Variants in ABCB5 observed in about 807,000 individuals in gnomAD.
The protein encoded by ABCB5 is ATP binding cassette subfamily B member 5.
A neutral mutation model predicts 144.2 loss-of-function variants in ABCB5; 155 were observed. That is an observed-to-expected ratio of 1.08 (90% CI 0.94 to 1.23). ABCB5 has a LOEUF of 1.23. Ranked by LOEUF, ABCB5 falls within the 50% of genes most tolerant of loss-of-function variation. ABCB5 has a pLI of 0.00. For missense variants in ABCB5, 1,830 were observed against 1,520.8 expected (o/e 1.20, Z -3.38); for synonymous variants, 610 against 528.6 (o/e 1.15, Z -2.11).
chr7:20,717,850 T>A (rs1781727588), intron 20 of ABCB5, among the ~76,000 whole-genome samples: 1 of 149,984 alleles, frequency 6.7e-6, no homozygotes. Context: ...ATAATTACCT[T>A]ATCTCCAAAT....
intron 14 of ABCB5, among the ~76,000 whole-genome samples, chr7:20,666,288 T>C (rs2128033156): frequency 6.6e-6 from 1 of 152,242 alleles, no homozygotes; most frequent in East Asian, 1.9e-4. Flanking sequence ...GGAACTTGTG[T>C]TCTCGTAGGT....
intron 14 of ABCB5, among the ~76,000 whole-genome samples, chr7:20,678,695 A>G (rs1325665908): frequency 6.6e-6 from 1 of 152,252 alleles, no homozygotes; most frequent in Non-Finnish European, 1.5e-5. Flanking sequence ...AGGAAGAATA[A>G]GCTTGAAGAG....
chr7:20,660,627 G>T (rs1377262396), intron 14 of ABCB5, among the ~76,000 whole-genome samples: 1 of 152,130 alleles, frequency 6.6e-6, no homozygotes, highest in Non-Finnish European at 1.5e-5. Context: ...CTTGGAGGGG[G>T]CCCTGGGTAA....
chr7:20,710,244 A>G (rs1424491572), intron 20 of ABCB5, among the ~76,000 whole-genome samples: 1 of 144,350 alleles, frequency 6.9e-6, no homozygotes, highest in Non-Finnish European at 1.5e-5. Context: ...GGGGGCATCT[A>G]TAATCCCAGC....
intron 27 of ABCB5, among the ~76,000 whole-genome samples, chr7:20,755,163 G>A (rs1429277501): frequency 6.6e-6 from 1 of 152,138 alleles, no homozygotes; most frequent in Non-Finnish European, 1.5e-5. Context: ...TGATCAGGCT[G>A]GTCTCGAACT....
rs747609431 is a variant in ABCB5 at position 20,742,980 on chromosome 7, G to A, written c.3128G>A (p.Gly1043Glu). 75 of 1,613,976 alleles carry A rather than the reference G, an allele frequency of 4.6e-5. 1 individual carries two copies. In the Admixed American group the frequency reaches 1.2e-3, roughly 27 times the overall value. ...LRGLSLSIER[G>E]KTVAFVGSSG... ...GGCTTATCCCTCAGTATTGAGCGAG[G>A]AAAGACAGTAGCATTTGTGGGGAGC... is the stretch of plus-strand genomic sequence containing the variant. Residue 1043 changes from glycine (G) to glutamate (E), a missense_variant, in exon 25 of 28, where the codon GGA becomes GAA. Coordinates refer to ENST00000404938, the MANE Select transcript of ABCB5 (RefSeq NM_001163941.2).
intron 26 of ABCB5, among the ~76,000 whole-genome samples, chr7:20,751,816 G>A (rs1352963099): frequency 6.6e-6 from 1 of 152,200 alleles, no homozygotes; most frequent in South Asian, 2.1e-4. Context: ...AGGGGCCCAA[G>A]GCCTGCTAGT....
intron 5 of ABCB5, among the ~76,000 whole-genome samples, chr7:20,638,077 G>C (rs1363977920): frequency 6.6e-6 from 1 of 152,148 alleles, no homozygotes; most frequent in Non-Finnish European, 1.5e-5. Flanking sequence ...GAAAACTCGA[G>C]TGTGTTGTTT....
At chr7:20,707,834 C>G (rs189380660) in intron 20 of ABCB5, among the ~76,000 whole-genome samples, 1 of 123,424 alleles carries the variant, frequency 8.1e-6, no homozygotes, top group Non-Finnish European at 1.6e-5. Context: ...GAGACGGGGT[C>G]TCGCTCTCGC....
At chr7:20,704,643 TC>T (rs1786756687) in intron 19 of ABCB5, 80 bp from the exon 20 acceptor site, 2 of 1,096,242 alleles carry the variant, frequency 1.8e-6, no homozygotes, top group African/African-American at 3.1e-5. Context: ...GTAAATGTTT[TC>T]TGATTTACAG....
At chr7:20,628,200 A>T (rs557349901) in intron 3 of ABCB5, among the ~76,000 whole-genome samples, 19 of 150,542 alleles carry the variant, frequency 1.3e-4, no homozygotes, top group African/African-American at 3.9e-4. Flanking sequence ...GATGTTCCCC[A>T]CCCTGTGTCC....
rs559066004 is a variant in ABCB5, at chr7:20,636,488, G to T, written c.314+4375G>T. Among the ~76,000 whole-genome samples the T allele has an allele frequency of 1.1e-4, 17 of 151,946 alleles. No homozygotes were observed. In the South Asian group the frequency reaches 3.1e-3, roughly 28 times the overall value. ...TTTTTAAGACTCATTTAAATAATAA[G>T]AAATTTATTACTGAGACCAGCTGCA... On this transcript the variant is annotated intron_variant, in intron 5 of 27. Transcript: ENST00000404938.
At chr7:20,731,155 C>T (rs1333495859) in intron 23 of ABCB5, among the ~76,000 whole-genome samples, 1 of 151,886 alleles carries the variant, frequency 6.6e-6, no homozygotes, top group African/African-American at 2.4e-5. Context: ...GAGCTCAAGA[C>T]TAGCCTGGCC....
At chr7:20,692,943 C>G (rs1243269558) in intron 16 of ABCB5, among the ~76,000 whole-genome samples, 1 of 152,124 alleles carries the variant, frequency 6.6e-6, no homozygotes, top group Non-Finnish European at 1.5e-5. Flanking sequence ...CAACACCCTT[C>G]TACTAAATCT....
intron 26 of ABCB5, among the ~76,000 whole-genome samples, chr7:20,748,918 A>T (rs1269520950): frequency 6.6e-6 from 1 of 152,112 alleles, no homozygotes; most frequent in Non-Finnish European, 1.5e-5. Flanking sequence ...TATTTAGCAA[A>T]TTGAATTGTG....
rs796703965 is a variant in ABCB5, at chr7:20,742,499, G to A, written c.3025-378G>A. Among the ~76,000 whole-genome samples the A allele has an allele frequency of 9.2e-5, 14 of 152,172 alleles. No individual in the cohort carries two copies. The East Asian group carries it at 2.1e-3, about 23-fold the overall frequency. On this transcript the variant is annotated intron_variant, in intron 24 of 27. Coordinates refer to ENST00000404938, the MANE Select transcript of ABCB5 (RefSeq NM_001163941.2). ...ATACATATAGTTTATGAGAACCCCA[G>A]CTCTTCTGAATTAAGCAATAAAGGT... is the stretch of plus-strand genomic sequence containing the variant.
intron 1 of ABCB5, among the ~76,000 whole-genome samples, chr7:20,617,080 A>G (rs546436136): frequency 2.0e-5 from 3 of 152,310 alleles, no homozygotes; most frequent in African/African-American, 7.2e-5. Flanking sequence ...TTAATTATAT[A>G]CCAAAAACTG....
At position 20,659,735 on chromosome 7, in the gene ABCB5, C is replaced by G. The variant is rs1027349007; in HGVS notation, c.1707+1059C>G. 4 of 985,720 alleles carry G rather than the reference C, an allele frequency of 4.1e-6. No individual in the cohort carries two copies. The African/African-American group carries it at 7.0e-5, about 17-fold the overall frequency. 61.1% of individuals were successfully genotyped at this position (985,720 alleles called of 1,614,324 possible). On this transcript the variant is annotated intron_variant, in intron 14 of 27. Transcript: ENST00000404938. Reference sequence around the variant, plus strand: ...GATCTGTATTTAGACTATATTCAAGCCTCGCTCTGTCACCCATGCTTGAGT... The same window carrying G: ...GATCTGTATTTAGACTATATTCAAGGCTCGCTCTGTCACCCATGCTTGAGT...
At chr7:20,679,004 A>C (rs1038774947) in intron 14 of ABCB5, among the ~76,000 whole-genome samples, 6 of 152,348 alleles carry the variant, frequency 3.9e-5, no homozygotes, top group African/African-American at 1.4e-4. Flanking sequence ...CCAAATATGA[A>C]AGGCAAATGA....
Sources: gnomAD v4.1 joint callset for allele counts (sites outside exome capture counted in the v4.1 genomes callset) on GRCh38, gnomAD v4.1.1 for gene constraint, MANE v1.5 for transcripts, NCBI Gene and HGNC (gene_info 2026-07-23, HGNC 2026-07-21) for gene names.